EGFR: variants seen among roughly 807,000 people sequenced by gnomAD.
The protein encoded by EGFR is avian erythroblastic leukemia viral (v-erb-b) oncogene homolog.
EGFR carries 58 observed loss-of-function variants against 143.0 expected under a neutral mutation model. That is an observed-to-expected ratio of 0.41 (90% CI 0.33 to 0.50). The LOEUF (loss-of-function observed/expected upper bound fraction) is 0.50. Among genes scored for constraint, EGFR ranks in the 20% least tolerant of loss-of-function variants. The pLI is 0.39. For missense variants in EGFR, 1,307 were observed against 1,579.0 expected (o/e 0.83, Z 2.92); for synonymous variants, 613 against 594.4 (o/e 1.03, Z -0.45).
chr7:55,040,065 A>G (rs1351102072), intron 1 of EGFR, among the ~76,000 whole-genome samples: 1 of 152,164 alleles, frequency 6.6e-6, no homozygotes, highest in Non-Finnish European at 1.5e-5. Flanking sequence ...TTTGAAAGCC[A>G]CTGTGCTTTG....
chr7:55,045,289 C>T (rs573783233), intron 1 of EGFR, among the ~76,000 whole-genome samples: 1 of 152,222 alleles, frequency 6.6e-6, no homozygotes, highest in South Asian at 2.1e-4. Context: ...GCAGTTGCTC[C>T]TCTCTGTATA....
intron 1 of EGFR, among the ~76,000 whole-genome samples, chr7:55,096,426 C>T (rs894761164): frequency 6.6e-5 from 10 of 152,208 alleles, no homozygotes; most frequent in African/African-American, 1.4e-4. Flanking sequence ...CAATGCAGAA[C>T]GGCAGGGCCA....
At chr7:55,123,453 T>A (rs1793330421) in intron 1 of EGFR, among the ~76,000 whole-genome samples, 1 of 152,200 alleles carries the variant, frequency 6.6e-6, no homozygotes, top group African/African-American at 2.4e-5. Context: ...AGATTATATA[T>A]CCCAGAAAGG....
intron 16 of EGFR, chr7:55,172,745 T>A: frequency 8.7e-7 from 1 of 1,153,850 alleles, no homozygotes; most frequent in African/African-American, 1.5e-5. Flanking sequence ...AGATAAAGCC[T>A]CAATTTTAAA....
At chr7:55,152,874 CT>C (rs2128934103) in intron 6 of EGFR, among the ~76,000 whole-genome samples, 1 of 152,358 alleles carries the variant, frequency 6.6e-6, no homozygotes, top group South Asian at 2.1e-4. Context: ...ACTACCATGC[CT>C]CCATTTCCTT....
chr7:55,026,880 G>C (rs201637548), intron 1 of EGFR, among the ~76,000 whole-genome samples: 3 of 151,338 alleles, frequency 2.0e-5, no homozygotes, highest in African/African-American at 7.3e-5. Context: ...AAAAAAAAAA[G>C]GGAAAAAAAA....
At chr7:55,157,029 T>G in intron 10 of EGFR, 197 bp downstream of exon 10, 1 of 1,354,184 alleles carries the variant, frequency 7.4e-7, no homozygotes, top group Non-Finnish European at 9.8e-7. Context: ...CAGGCTTGGG[T>G]CATTCACTGC....
At chr7:55,024,684 CT>C (rs1157922335) in intron 1 of EGFR, among the ~76,000 whole-genome samples, 2 of 151,900 alleles carry the variant, frequency 1.3e-5, no homozygotes, top group Admixed American at 6.6e-5. Context: ...ACAACTTAGG[CT>C]TTTTTTTCTT....
chr7:55,205,221 T>C (rs1222433592), intron 27 of EGFR, 35 bp from the exon 28 acceptor site: 3 of 1,612,806 alleles, frequency 1.9e-6, no homozygotes, highest in South Asian at 1.1e-5. Context: ...GGTGCTTTGC[T>C]GATTACTTCA....
Position 55,161,592 on chromosome 7 carries a change from G to A in EGFR, c.1592G>A (p.Arg531Gln), listed in dbSNP as rs1330512770. The A allele has an allele frequency of 1.2e-5, 19 of 1,614,278 alleles. No individual in the cohort carries two copies. The highest frequency in any genetic ancestry group is 2.2e-5 in the South Asian group (2 of 91,090). The change falls in exon 13 of 28, where the codon CGA becomes CAA. Residue 531 changes from arginine (R) to glutamine (Q), a missense_variant. Physicochemically the swap from Arg to Gln is conservative, Grantham distance 43. Around this residue, in one of 7 missense-constraint regions of EGFR, gnomAD observed 250 missense variants for 295.1 expected, o/e 0.85. Transcript: ENST00000275493. Reference sequence around the variant, plus strand: ...TGCGTCTCTTGCCGGAATGTCAGCCGAGGCAGGGAATGCGTGGACAAGTGC... The same window carrying A: ...TGCGTCTCTTGCCGGAATGTCAGCCAAGGCAGGGAATGCGTGGACAAGTGC... ...RDCVSCRNVS[R>Q]GRECVDKCNL... is the part of the protein sequence containing the mutation.
chr7:55,084,747 G>A (rs763502524), intron 1 of EGFR, among the ~76,000 whole-genome samples: 6 of 152,214 alleles, frequency 3.9e-5, no homozygotes, highest in Non-Finnish European at 7.3e-5. Flanking sequence ...AGAAAACTAA[G>A]AGGAGTTATA....
At chr7:55,132,836 A>G (rs1371545927) in intron 1 of EGFR, among the ~76,000 whole-genome samples, 1 of 152,138 alleles carries the variant, frequency 6.6e-6, no homozygotes, top group East Asian at 1.9e-4. Context: ...TTTACTAGAT[A>G]TGTTGTAGTT....
chr7:55,099,243 C>T (rs1189416596), intron 1 of EGFR, among the ~76,000 whole-genome samples: 2 of 152,244 alleles, frequency 1.3e-5, no homozygotes, highest in Non-Finnish European at 2.9e-5. Context: ...AGTTCTCCCA[C>T]ATCTCACTCA....
chr7:55,204,844 A>C (rs1788045077), intron 27 of EGFR, among the ~76,000 whole-genome samples: 1 of 149,460 alleles, frequency 6.7e-6, no homozygotes, highest in Non-Finnish European at 1.5e-5. Flanking sequence ...CACACCACAC[A>C]CACCCACATG....
intron 16 of EGFR, 98 bp from the exon 17 acceptor site, chr7:55,172,885 G>A: frequency 6.2e-7 from 1 of 1,610,726 alleles, no homozygotes; most frequent in Admixed American, 1.7e-5. Context: ...CATTCTACAA[G>A]ATGTCAGTGC....
At chr7:55,073,412 C>G (rs1232843863) in intron 1 of EGFR, among the ~76,000 whole-genome samples, 1 of 152,174 alleles carries the variant, frequency 6.6e-6, no homozygotes, top group African/African-American at 2.4e-5. Context: ...GTGGGTGAGG[C>G]ACATGCTGGA....
chr7:55,057,086 G>T (rs1380409504), intron 1 of EGFR, among the ~76,000 whole-genome samples: 1 of 152,198 alleles, frequency 6.6e-6, no homozygotes, highest in Non-Finnish European at 1.5e-5. Context: ...TACTGAAGGT[G>T]CTATCATGGA....
chr7:55,183,968 T>C (rs1441395490), intron 20 of EGFR, among the ~76,000 whole-genome samples: 1 of 152,230 alleles, frequency 6.6e-6, no homozygotes, highest in Non-Finnish European at 1.5e-5. Flanking sequence ...GTGAAATGTG[T>C]ATGTGACCGT....
intron 1 of EGFR, among the ~76,000 whole-genome samples, chr7:55,098,950 A>G (rs1452511288): frequency 6.6e-6 from 1 of 152,188 alleles, no homozygotes; most frequent in Non-Finnish European, 1.5e-5. Flanking sequence ...GTCAGACAGG[A>G]GCCTCAGGTG....
Sources: allele counts gnomAD v4.1 joint callset (sites outside exome capture counted in the v4.1 genomes callset), GRCh38; gene constraint gnomAD v4.1.1; regional missense constraint gnomAD v4.1.1; transcripts MANE v1.5; gene names NCBI Gene and HGNC (gene_info 2026-07-23, HGNC 2026-07-21).